Variants in GSE1 observed in about 807,000 individuals in gnomAD.
GSE1 encodes the protein genetic suppressor element 1.
A neutral mutation model predicts 112.6 loss-of-function variants in GSE1; 32 were observed. The observed-to-expected ratio is 0.28, with a 90% CI of 0.21 to 0.38. GSE1 has a LOEUF of 0.38. Among genes scored for constraint, GSE1 ranks in the 10% least tolerant of loss-of-function variants. The pLI is 1.00. For missense variants in GSE1, 2,348 were observed against 1,699.2 expected, an observed-to-expected ratio of 1.38 and a Z score of -6.71; for synonymous variants, 1,115 against 735.6, an observed-to-expected ratio of 1.52 and a Z score of -8.35.
At chr16:85,659,839 A>T (rs2052285645) in intron 8 of GSE1, among the ~76,000 whole-genome samples, 1 of 152,256 alleles carries the variant, frequency 6.6e-6, no homozygotes, top group East Asian at 1.9e-4. Context: ...TCCCTGCCTC[A>T]GCAGGCCTTA....
rs1273369671 is a variant in GSE1, at chr16:85,419,616, A to C, written c.2464+61973A>C. ...GCAAGGCTGTGTCTCAAAAAAAAAA[A>C]ACAAAAAACAAAAAACAAAAAATAA... On this transcript the variant is annotated intron_variant, in intron 2 of 2. Coordinates refer to the GSE1 transcript ENST00000637419. The surrounding 1 kb of genome is among the most constrained non-coding windows in gnomAD (Gnocchi z 6.5). 1.4e-5 allele frequency among the ~76,000 whole-genome samples: 2 copies of C among 144,308 alleles called. No homozygotes were observed. Among genetic ancestry groups the C allele is most frequent in the African/African-American group, 2.6e-5 (1 of 38,634 alleles). 94.7% of individuals were successfully genotyped at this position (144,308 alleles called of 152,430 possible). A position where few individuals can be genotyped will look rare whatever the true frequency, so the allele number is the denominator to read the frequency against.
chr16:85,455,038 G>A (rs1053702895), intron 2 of GSE1, among the ~76,000 whole-genome samples: 3 of 152,190 alleles, frequency 2.0e-5, no homozygotes, highest in Non-Finnish European at 2.9e-5. Context: ...TTCCTCCTCC[G>A]TAAATGGGGA....
intron 1 of GSE1, among the ~76,000 whole-genome samples, chr16:85,320,782 C>T (rs2046090347): frequency 6.6e-6 from 1 of 152,176 alleles, no homozygotes; most frequent in African/African-American, 2.4e-5. Flanking sequence ...CTCTCCAGCC[C>T]CCATGTCCTT....
intron 5 of GSE1, 21 bp downstream of exon 5, chr16:85,655,012 C>T (rs756634694): frequency 4.9e-5 from 72 of 1,470,466 alleles, no homozygotes; most frequent in Non-Finnish European, 6.3e-5. Context: ...CCCCACGCGC[C>T]CTCTCGTCTA....
At chr16:85,640,775 G>A (rs1251896981) in intron 2 of GSE1, among the ~76,000 whole-genome samples, 4 of 152,264 alleles carry the variant, frequency 2.6e-5, no homozygotes, top group Non-Finnish European at 4.4e-5. Context: ...CCGCCTGGCA[G>A]GCGCGCCTCG....
intron 1 of GSE1, among the ~76,000 whole-genome samples, chr16:85,329,652 C>G (rs1394378637): frequency 6.6e-6 from 1 of 151,822 alleles, no homozygotes; most frequent in East Asian, 2.0e-4. Context: ...CATTAAGCGC[C>G]GGTGTTCTGA....
chr16:85,347,291 A>T (rs1432163074), intron 1 of GSE1, among the ~76,000 whole-genome samples: 2 of 152,120 alleles, frequency 1.3e-5, no homozygotes, highest in East Asian at 3.9e-4. Flanking sequence ...TCCCACTGCC[A>T]GCCCCTAGGA....
intron 2 of GSE1, among the ~76,000 whole-genome samples, chr16:85,404,527 C>G (rs1465521274): frequency 3.5e-4 from 21 of 59,204 alleles, no homozygotes; most frequent in Admixed American, 6.2e-4. Context: ...TACTCTCAGG[C>G]CCCCCTGGAT....
chr16:85,328,555 C>A (rs879581251), intron 1 of GSE1, among the ~76,000 whole-genome samples: 1 of 152,182 alleles, frequency 6.6e-6, no homozygotes, highest in Non-Finnish European at 1.5e-5. Flanking sequence ...GGGAGGTGCC[C>A]CTGCTTCCCA....
upstream of GSE1, among the ~76,000 whole-genome samples, chr16:85,609,166 A>G (rs1490205522): frequency 1.3e-5 from 2 of 151,992 alleles, no homozygotes; most frequent in African/African-American, 4.8e-5. Flanking sequence ...TGCCTTCCAA[A>G]TTTCCTTGCT....
intron 2 of GSE1, among the ~76,000 whole-genome samples, chr16:85,476,905 GC>G (rs2050474913): frequency 6.7e-6 from 1 of 149,364 alleles, no homozygotes; most frequent in Non-Finnish European, 1.5e-5. Context: ...GAGCTACCAT[GC>G]CTGGCATCGT....
At chr16:85,434,753 G>A (rs1381654190) in intron 2 of GSE1, among the ~76,000 whole-genome samples, 1 of 152,232 alleles carries the variant, frequency 6.6e-6, no homozygotes, top group Non-Finnish European at 1.5e-5. Flanking sequence ...GGGAGGCAGA[G>A]GTTGCAGTAG....
At chr16:85,598,406 C>T (rs185852099) in intron 1 of GSE1, among the ~76,000 whole-genome samples, 191 of 152,264 alleles carry the variant, frequency 1.3e-3, no homozygotes, top group Non-Finnish European at 2.1e-3. Flanking sequence ...TGCCCAGCCC[C>T]ATCCCAGAGC....
At chr16:85,589,876 C>G (rs2046904399) in intron 1 of GSE1, among the ~76,000 whole-genome samples, 1 of 151,134 alleles carries the variant, frequency 6.6e-6, no homozygotes, top group African/African-American at 2.4e-5. Flanking sequence ...GTGACAGAGA[C>G]ATTGTGTGTG....
intron 1 of GSE1, among the ~76,000 whole-genome samples, chr16:85,343,335 C>G (rs1252756045): frequency 6.6e-6 from 1 of 152,262 alleles, no homozygotes; most frequent in East Asian, 1.9e-4. Flanking sequence ...TAGCGGTTAT[C>G]AATTCCTGCT....
intron 1 of GSE1, among the ~76,000 whole-genome samples, chr16:85,175,224 C>T (rs74034138): frequency 0.14 from 21,141 of 152,176 alleles, 1,698 homozygotes; most frequent in Middle Eastern, 0.24. Context: ...GCCCCGGGTC[C>T]CCAGAGAGCA....
intron 3 of GSE1, among the ~76,000 whole-genome samples, chr16:85,652,060 A>AG (rs1288003696): frequency 6.6e-6 from 1 of 152,186 alleles, no homozygotes; most frequent in Non-Finnish European, 1.5e-5. Flanking sequence ...TGGGGTAGGC[A>AG]GGCCAGCCTG....
At chr16:85,438,296 C>T (rs959369724) in intron 2 of GSE1, among the ~76,000 whole-genome samples, 3 of 152,290 alleles carry the variant, frequency 2.0e-5, no homozygotes, top group African/African-American at 7.2e-5. Context: ...CAAGGCCATG[C>T]GGTGGTGTCT....
intron 2 of GSE1, among the ~76,000 whole-genome samples, chr16:85,461,571 G>A (rs75520216): frequency 2.6e-5 from 4 of 152,246 alleles, no homozygotes; most frequent in East Asian, 1.9e-4. Context: ...CGAGGGGTTC[G>A]AGACCCCCTG....
Sources: gnomAD v4.1 joint callset for allele counts (sites outside exome capture counted in the v4.1 genomes callset) on GRCh38, gnomAD v4.1.1 for gene constraint, Gnocchi (gnomAD v3.1) non-coding constraint, MANE v1.5 for transcripts, NCBI Gene and HGNC (gene_info 2026-07-23, HGNC 2026-07-21) for gene names.